Variants in ZNF521 observed in about 807,000 individuals in gnomAD.
ZNF521 encodes LYST-interacting protein 3.
ZNF521 carries 14 observed loss-of-function variants against 105.5 expected under a neutral mutation model. That is an observed-to-expected ratio of 0.13 (90% CI 0.09 to 0.21). ZNF521 has a LOEUF of 0.21. Among genes scored for constraint, ZNF521 ranks in the 10% least tolerant of loss-of-function variants. The pLI is 1.00. For missense variants in ZNF521, 1,233 were observed against 1,629.7 expected, an observed-to-expected ratio of 0.76 and a Z score of 4.19; for synonymous variants, 635 against 606.0, an observed-to-expected ratio of 1.05 and a Z score of -0.70.
intron 5 of ZNF521, among the ~76,000 whole-genome samples, chr18:25,169,903 T>A (rs1176763310): frequency 6.6e-6 from 1 of 152,220 alleles, no homozygotes; most frequent in Non-Finnish European, 1.5e-5. Flanking sequence ...GCTGCAATTA[T>A]AAAATACTTT....
chr18:25,254,180 G>C (rs184383663), intron 3 of ZNF521, among the ~76,000 whole-genome samples: 5 of 152,150 alleles, frequency 3.3e-5, no homozygotes, highest in Admixed American at 2.6e-4. Context: ...ATGGATACTG[G>C]GGAATAATTG....
intron 3 of ZNF521, among the ~76,000 whole-genome samples, chr18:25,313,810 A>C (rs1357482287): frequency 6.6e-6 from 1 of 152,190 alleles, no homozygotes; most frequent in Non-Finnish European, 1.5e-5. Flanking sequence ...ACTAGTCTAA[A>C]AGTAAAATGC....
At chr18:25,111,160 C>T (rs1453309506) in intron 5 of ZNF521, among the ~76,000 whole-genome samples, 1 of 152,038 alleles carries the variant, frequency 6.6e-6, no homozygotes, top group African/African-American at 2.4e-5. Flanking sequence ...CCTAGGCAGT[C>T]TACATTTGGC....
intron 3 of ZNF521, among the ~76,000 whole-genome samples, chr18:25,279,246 C>A (rs1035634035): frequency 2.0e-5 from 3 of 152,142 alleles, no homozygotes. Flanking sequence ...TTAATTTGGA[C>A]ACTCAGACAA....
chr18:25,303,293 TGTGTGTGTGTGTGTGTGAGAGAGA>T (rs1321099815), intron 3 of ZNF521, among the ~76,000 whole-genome samples: 141 of 113,052 alleles, frequency 1.2e-3, no homozygotes, highest in African/African-American at 5.9e-3. Context: ...TGTGTGTGTG[TGTGTGTGTGTGTGTGTGAGAGAGA>T]GACGGAGTCT....
At chr18:25,183,332 C>T (rs2035664756) in intron 5 of ZNF521, among the ~76,000 whole-genome samples, 1 of 152,118 alleles carries the variant, frequency 6.6e-6, no homozygotes, top group Non-Finnish European at 1.5e-5. Context: ...CAATTCAGGT[C>T]TTCTTACTAA....
intron 5 of ZNF521, among the ~76,000 whole-genome samples, chr18:25,099,197 C>A (rs1302745505): frequency 6.6e-6 from 1 of 152,162 alleles, no homozygotes; most frequent in Non-Finnish European, 1.5e-5. Context: ...TTATTGAATT[C>A]ATGGGAAATA....
At chr18:25,072,509 A>C (rs751635801) in intron 7 of ZNF521, among the ~76,000 whole-genome samples, 2 of 152,202 alleles carry the variant, frequency 1.3e-5, no homozygotes, top group Non-Finnish European at 2.9e-5. Context: ...AATAGCGTGC[A>C]CTATGTACTA....
chr18:25,158,815 G>A (rs573275668), intron 5 of ZNF521, among the ~76,000 whole-genome samples: 248 of 152,058 alleles, frequency 1.6e-3, no homozygotes, highest in Non-Finnish European at 2.6e-3. Flanking sequence ...AAATTAGCCG[G>A]TGTGGTGGTG....
intron 5 of ZNF521, among the ~76,000 whole-genome samples, chr18:25,128,641 C>G (rs1020618159): frequency 6.6e-6 from 1 of 151,928 alleles, no homozygotes; most frequent in Non-Finnish European, 1.5e-5. Flanking sequence ...TACAAGTCAA[C>G]TGCAGTCTTA....
intron 2 of ZNF521, chr18:25,327,320 G>C (rs894068392): frequency 2.0e-6 from 1 of 503,870 alleles, no homozygotes; most frequent in Admixed American, 5.9e-5. Context: ...CACTGCAAAT[G>C]ATGCATCTCA....
chr18:25,120,616 A>G (rs1281616195), intron 5 of ZNF521, among the ~76,000 whole-genome samples: 1 of 151,334 alleles, frequency 6.6e-6, no homozygotes, highest in Non-Finnish European at 1.5e-5. Flanking sequence ...CAAACAAACA[A>G]ACAAACAAAC....
chr18:25,116,997 A>G (rs1164712549), intron 5 of ZNF521, among the ~76,000 whole-genome samples: 1 of 138,550 alleles, frequency 7.2e-6, no homozygotes, highest in African/African-American at 2.9e-5. Context: ...ACACACACAT[A>G]TATATACATA....
chr18:25,106,681 A>C (rs550858053), intron 5 of ZNF521, among the ~76,000 whole-genome samples: 1 of 152,282 alleles, frequency 6.6e-6, no homozygotes, highest in African/African-American at 2.4e-5. Flanking sequence ...TGTGTTGCTT[A>C]AATATTAATT....
At chr18:25,338,326 G>A (rs558327682) in intron 2 of ZNF521, among the ~76,000 whole-genome samples, 2 of 143,696 alleles carry the variant, frequency 1.4e-5, no homozygotes, top group African/African-American at 2.6e-5. Flanking sequence ...AAAGACAACA[G>A]AAAAGGCATA....
chr18:25,195,863 AC>A (rs2035894583), intron 4 of ZNF521, among the ~76,000 whole-genome samples: 1 of 151,824 alleles, frequency 6.6e-6, no homozygotes, highest in South Asian at 2.1e-4. Flanking sequence ...ATTTTACACA[AC>A]AGCCCTGTGA....
Position 25,308,512 on chromosome 18 carries a change from C to T in ZNF521, c.220+13496G>A, listed in dbSNP as rs180831024. Among the ~76,000 whole-genome samples, 93 of 152,118 alleles carry T rather than the reference C, an allele frequency of 6.1e-4. 1 individual carries two copies. The highest frequency in any genetic ancestry group is 1.2e-3 in the South Asian group (6 of 4,816). On this transcript the variant is annotated intron_variant, in intron 3 of 7. Coordinates refer to ENST00000361524, the MANE Select transcript of ZNF521 (RefSeq NM_015461.3). ...CCAGCAGATTCTATGCTGCTTCATA[C>T]CTCTTTCCTATTCTTTCTCTTCTGT...
At chr18:25,129,037 C>T (rs769439540) in intron 5 of ZNF521, among the ~76,000 whole-genome samples, 1 of 151,682 alleles carries the variant, frequency 6.6e-6, no homozygotes, top group Non-Finnish European at 1.5e-5. Context: ...TAATGCCACT[C>T]AACTTCAAGA....
intron 3 of ZNF521, among the ~76,000 whole-genome samples, chr18:25,244,776 G>C (rs527589319): frequency 7.2e-5 from 11 of 152,290 alleles, no homozygotes; most frequent in Non-Finnish European, 1.6e-4. Context: ...TCTGCTGGTC[G>C]TGACTGCAAG....
Sources: gnomAD v4.1 joint callset for allele counts (sites outside exome capture counted in the v4.1 genomes callset) on GRCh38, gnomAD v4.1.1 for gene constraint, MANE v1.5 for transcripts, NCBI Gene and HGNC (gene_info 2026-07-23, HGNC 2026-07-21) for gene names.